Variants in WDR70 observed in about 807,000 individuals in gnomAD.
The protein encoded by WDR70 is WD repeat-containing protein 70.
WDR70 carries 53 observed loss-of-function variants against 88.6 expected under a neutral mutation model. The observed-to-expected ratio is 0.60, with a 90% CI of 0.48 to 0.75. The LOEUF (loss-of-function observed/expected upper bound fraction) is 0.75. WDR70 is among the 30% of genes least tolerant of loss of function. WDR70 has a pLI of 0.00. For synonymous variants in WDR70, 280 were observed against 270.0 expected, an observed-to-expected ratio of 1.04 and a Z score of -0.36; for missense variants, 610 against 823.2, an observed-to-expected ratio of 0.74 and a Z score of 3.17.
intron 7 of WDR70, among the ~76,000 whole-genome samples, chr5:37,445,437 T>C (rs1412704805): frequency 1.3e-5 from 2 of 152,164 alleles, no homozygotes; most frequent in African/African-American, 4.8e-5. Flanking sequence ...TCATCTGCAT[T>C]TATTTCCTGG....
intron 9 of WDR70, among the ~76,000 whole-genome samples, chr5:37,531,615 A>G (rs1324357666): frequency 1.1e-5 from 1 of 93,750 alleles, no homozygotes; most frequent in Non-Finnish European, 2.2e-5. Flanking sequence ...TTTGTCTGAT[A>G]TAAGACTAGC....
chr5:37,707,692 A>G (rs1747368021), intron 13 of WDR70, among the ~76,000 whole-genome samples: 1 of 151,642 alleles, frequency 6.6e-6, no homozygotes, highest in Non-Finnish European at 1.5e-5. Context: ...AGGCAGGTGG[A>G]TCACCTGAGG....
chr5:37,453,829 A>G (rs1172281335), intron 7 of WDR70, among the ~76,000 whole-genome samples: 2 of 152,204 alleles, frequency 1.3e-5, no homozygotes, highest in African/African-American at 4.8e-5. Flanking sequence ...CTTTTGAGTC[A>G]TGTTTCAGCT....
chr5:37,644,244 A>G (rs535742166), intron 10 of WDR70, among the ~76,000 whole-genome samples: 1,606 of 102,188 alleles, frequency 0.016, 13 homozygotes, highest in Non-Finnish European at 0.024. Flanking sequence ...TGAAATGATC[A>G]TATGTTTTTT....
intron 10 of WDR70, among the ~76,000 whole-genome samples, chr5:37,649,252 C>G (rs1745324515): frequency 6.6e-6 from 1 of 151,856 alleles, no homozygotes; most frequent in South Asian, 2.1e-4. Flanking sequence ...GACCATTCAG[C>G]TGCATCTAGA....
At chr5:37,388,923 A>C (rs948832751) in intron 3 of WDR70, among the ~76,000 whole-genome samples, 8 of 152,036 alleles carry the variant, frequency 5.3e-5, no homozygotes, top group African/African-American at 1.9e-4. Flanking sequence ...GGGAAATGGC[A>C]GCTGAGTAGG....
At chr5:37,402,944 G>GTTTTTTTTTTTT (rs5867348) in intron 5 of WDR70, among the ~76,000 whole-genome samples, 5 of 84,380 alleles carry the variant, frequency 5.9e-5, no homozygotes, top group African/African-American at 2.6e-4. Context: ...CCCTCCCTCC[G>GTTTTTTTTTTTT]TTTTTTTTTT....
At chr5:37,637,177 A>G (rs566070301) in intron 10 of WDR70, among the ~76,000 whole-genome samples, 9 of 152,044 alleles carry the variant, frequency 5.9e-5, no homozygotes, top group African/African-American at 1.9e-4. Flanking sequence ...CCCTTTCTCT[A>G]CTAAAAATAC....
chr5:37,478,244 C>G (rs1739546691), intron 7 of WDR70, among the ~76,000 whole-genome samples: 1 of 152,202 alleles, frequency 6.6e-6, no homozygotes, highest in Non-Finnish European at 1.5e-5. Flanking sequence ...CTTTTAATTA[C>G]TTCTCTGTAC....
At chr5:37,526,977 A>G (rs1442550698) in intron 9 of WDR70, among the ~76,000 whole-genome samples, 1 of 152,208 alleles carries the variant, frequency 6.6e-6, no homozygotes, top group Non-Finnish European at 1.5e-5. Context: ...AATGAAATGA[A>G]AGAGGACACA....
intron 8 of WDR70, among the ~76,000 whole-genome samples, chr5:37,486,372 C>T (rs4285256): frequency 0.6 from 89,775 of 150,312 alleles, 28,174 homozygotes; most frequent in Non-Finnish European, 0.69. Context: ...GACAGAGTCT[C>T]GCTCTGTCAC....
chr5:37,710,778 T>G (rs1374024820), intron 13 of WDR70, among the ~76,000 whole-genome samples: 1 of 152,166 alleles, frequency 6.6e-6, no homozygotes, highest in Non-Finnish European at 1.5e-5. Flanking sequence ...GTTGATGTTT[T>G]GTTTGCCATA....
At chr5:37,407,234 G>T (rs1207896621) in intron 5 of WDR70, among the ~76,000 whole-genome samples, 1 of 152,084 alleles carries the variant, frequency 6.6e-6, no homozygotes, top group Non-Finnish European at 1.5e-5. Context: ...TAACATTTAA[G>T]TAAGTCAGGC....
intron 10 of WDR70, among the ~76,000 whole-genome samples, chr5:37,610,315 T>G (rs1272325403): frequency 6.6e-6 from 1 of 152,000 alleles, no homozygotes; most frequent in Non-Finnish European, 1.5e-5. Flanking sequence ...AATTTGAAGC[T>G]TGTTTTTTTA....
At chr5:37,469,393 G>A (rs1210071946) in intron 7 of WDR70, among the ~76,000 whole-genome samples, 1 of 152,194 alleles carries the variant, frequency 6.6e-6, no homozygotes, top group Non-Finnish European at 1.5e-5. Context: ...GATTGGTGAT[G>A]TCTTGGATAT....
intron 9 of WDR70, among the ~76,000 whole-genome samples, chr5:37,554,678 G>GCGCACACACACA (rs5867353): frequency 1.4e-5 from 2 of 147,670 alleles, no homozygotes; most frequent in African/African-American, 5.0e-5. Context: ...GCACCTGCAC[G>GCGCACACACACA]CACACACACA....
chr5:37,479,260 T>A (rs921102177), intron 7 of WDR70, among the ~76,000 whole-genome samples: 2 of 151,916 alleles, frequency 1.3e-5, no homozygotes, highest in Admixed American at 1.3e-4. Flanking sequence ...GAGAGTTGGT[T>A]GGGTTGGAGA....
At chr5:37,706,259 T>C (rs1747317683) in intron 13 of WDR70, among the ~76,000 whole-genome samples, 1 of 152,246 alleles carries the variant, frequency 6.6e-6, no homozygotes, top group Non-Finnish European at 1.5e-5. Context: ...TATGTTTCTT[T>C]AACATTTGCT....
chr5:37,395,142 A>G (rs1019474394), intron 4 of WDR70, among the ~76,000 whole-genome samples: 1 of 152,194 alleles, frequency 6.6e-6, no homozygotes, highest in Non-Finnish European at 1.5e-5. Context: ...TTGAAAGATT[A>G]ATTGATACAA....
Sources: allele counts gnomAD v4.1 joint callset (sites outside exome capture counted in the v4.1 genomes callset), GRCh38; gene constraint gnomAD v4.1.1; transcripts MANE v1.5; gene names NCBI Gene and HGNC (gene_info 2026-07-23, HGNC 2026-07-21).